ZNF423: variants seen among roughly 807,000 people sequenced by gnomAD.
The protein encoded by ZNF423 is zinc finger protein 423.
ZNF423 carries 12 observed loss-of-function variants against 95.8 expected under a neutral mutation model. That is an observed-to-expected ratio of 0.13 (90% CI 0.08 to 0.20). The LOEUF is 0.20. Among genes scored for constraint, ZNF423 ranks in the 10% least tolerant of loss-of-function variants. The pLI, the probability that ZNF423 is intolerant of heterozygous loss-of-function variation, is 1.00. For missense variants in ZNF423, 1,316 were observed against 1,737.1 expected, an observed-to-expected ratio of 0.76 and a Z score of 4.31; for synonymous variants, 749 against 711.9, an observed-to-expected ratio of 1.05 and a Z score of -0.83.
intron 5 of ZNF423, among the ~76,000 whole-genome samples, chr16:49,583,857 C>T (rs565031353): frequency 6.6e-6 from 1 of 152,322 alleles, no homozygotes; most frequent in African/African-American, 2.4e-5. Context: ...ATGTTTTCTG[C>T]TACTTTGCTA....
chr16:49,698,469 C>T (rs2032056279), intron 3 of ZNF423, among the ~76,000 whole-genome samples: 2 of 152,218 alleles, frequency 1.3e-5, no homozygotes, highest in Admixed American at 6.5e-5. Context: ...CCGATCCGGC[C>T]GTGTTTAACT....
intron 7 of ZNF423, among the ~76,000 whole-genome samples, chr16:49,512,552 C>A (rs527556814): frequency 6.6e-6 from 1 of 152,348 alleles, no homozygotes; most frequent in African/African-American, 2.4e-5. Flanking sequence ...ATCGCCACAA[C>A]ATGTGGTCAC....
Position 49,636,626 on chromosome 16 carries a change from G to A in ZNF423, c.2550C>T (p.Ala850=). Residue 850 remains alanine, a synonymous_variant, in exon 4 of 8, where the codon GCC becomes GCT. Transcript: ENST00000563137. This position sits in a 1 kb window ranked among gnomAD's most constrained non-coding sequence, Gnocchi z 8.6. ...TGGTGGCCATTGGGGGTACCCCATTGGCCGTGCCGTTCTCGGTCGCAGCAT... is the reference window on the plus strand; with the variant it reads ...TGGTGGCCATTGGGGGTACCCCATTAGCCGTGCCGTTCTCGGTCGCAGCAT... The part of the protein sequence containing the change: ...VFDAATENGT[A]NGVPPMATKK... 2 of 1,613,960 alleles carry A rather than the reference G, an allele frequency of 1.2e-6. No individual in the cohort carries two copies. The highest frequency in any genetic ancestry group is 1.7e-6 in the Non-Finnish European group (2 of 1,179,964).
intron 5 of ZNF423, among the ~76,000 whole-genome samples, chr16:49,576,247 C>G (rs1404030849): frequency 6.6e-6 from 1 of 152,216 alleles, no homozygotes; most frequent in Non-Finnish European, 1.5e-5. Flanking sequence ...ACACTGGGAA[C>G]AGCAACCGTG....
chr16:49,573,006 C>G (rs1597120971), intron 5 of ZNF423, among the ~76,000 whole-genome samples: 1 of 152,140 alleles, frequency 6.6e-6, no homozygotes, highest in East Asian at 1.9e-4. Context: ...GAAGGTTTGG[C>G]TAACTAGTGG....
In ZNF423 at chr16:49,690,855, G is replaced by A. The variant is rs184550082; in HGVS notation, c.301+39916C>T. The stretch of plus-strand genomic sequence containing the variant: ...CTGGAAACAAGGAGATGGCAGGCCC[G>A]GGTGGAGTGTGGCAGGTAGAAAGAG... On this transcript the variant is annotated intron_variant, in intron 3 of 7. Transcript: ENST00000563137. Among the ~76,000 whole-genome samples the A allele has an allele frequency of 7.2e-4, 109 of 152,314 alleles. 1 individual carries two copies. The Middle Eastern group carries it at 0.01, about 14-fold the overall frequency.
intron 1 of ZNF423, among the ~76,000 whole-genome samples, chr16:49,825,324 C>A (rs1328780516): frequency 6.6e-6 from 1 of 152,110 alleles, no homozygotes; most frequent in Non-Finnish European, 1.5e-5. Flanking sequence ...GTGTCCAGTT[C>A]TTTCACTGAA....
At chr16:49,632,660 C>T (rs1054356224) in intron 4 of ZNF423, among the ~76,000 whole-genome samples, 2 of 152,154 alleles carry the variant, frequency 1.3e-5, no homozygotes, top group Non-Finnish European at 2.9e-5. Flanking sequence ...TATGGCATCA[C>T]CTTTCTGAGC....
chr16:49,749,068 G>A (rs2143553947), intron 2 of ZNF423, among the ~76,000 whole-genome samples: 1 of 152,302 alleles, frequency 6.6e-6, no homozygotes, highest in East Asian at 1.9e-4. Context: ...AAGAGACGAG[G>A]AAGGTGGCGA....
intron 5 of ZNF423, among the ~76,000 whole-genome samples, chr16:49,560,727 C>T (rs1477112247): frequency 2.0e-5 from 3 of 152,172 alleles, no homozygotes; most frequent in African/African-American, 7.2e-5. Context: ...AGACACGCCA[C>T]AGTGTGCAAA....
chr16:49,615,587 G>A (rs1218600375), intron 5 of ZNF423, among the ~76,000 whole-genome samples: 1 of 152,168 alleles, frequency 6.6e-6, no homozygotes, highest in East Asian at 1.9e-4. Context: ...TCACAAGCTG[G>A]GAGGCCTGAA....
chr16:49,819,446 C>A (rs1017270819), intron 1 of ZNF423, among the ~76,000 whole-genome samples: 4 of 151,796 alleles, frequency 2.6e-5, no homozygotes, highest in African/African-American at 9.7e-5. Flanking sequence ...ATAGGCTCAT[C>A]CACGAGTATC....
chr16:49,673,477 T>C (rs1355779350), intron 3 of ZNF423, among the ~76,000 whole-genome samples: 3 of 152,234 alleles, frequency 2.0e-5, no homozygotes, highest in African/African-American at 7.2e-5. Context: ...CGGGTGCTTG[T>C]TAAGGAGAAC....
At chr16:49,628,106 C>G (rs933397751) in intron 4 of ZNF423, among the ~76,000 whole-genome samples, 2 of 150,558 alleles carry the variant, frequency 1.3e-5, no homozygotes, top group Non-Finnish European at 3.0e-5. Flanking sequence ...CTCCATCTAC[C>G]CATCCATCCA....
chr16:49,638,751 G>A lies in ZNF423; in HGVS notation c.425C>T (p.Thr142Met), dbSNP rs777988344. Reference sequence around the variant, plus strand: ...GAACTGGCAAGGGTATGGCAGGCCCGTGCCCCCTTCCTCCTCGCCGAGGCC... The same window carrying A: ...GAACTGGCAAGGGTATGGCAGGCCCATGCCCCCTTCCTCCTCGCCGAGGCC... ...DLGLGEEEGG[T>M]GLPYPCQFCD... The change falls in exon 4 of 8, where the codon ACG becomes ATG. Residue 142 changes from threonine (T) to methionine (M), a missense_variant. Physicochemically the swap from Thr to Met is moderately conservative, Grantham distance 81. Coordinates refer to ENST00000563137, the MANE Select transcript of ZNF423 (RefSeq NM_001379286.1). The surrounding 1 kb of genome is among the most constrained non-coding windows in gnomAD (Gnocchi z 5.6). The A allele has an allele frequency of 1.3e-4, 203 of 1,613,954 alleles. No homozygotes were observed. Among genetic ancestry groups the A allele is most frequent in the Non-Finnish European group, 1.2e-4 (146 of 1,180,034 alleles).
At chr16:49,553,207 G>T (rs1179402799) in intron 5 of ZNF423, among the ~76,000 whole-genome samples, 1 of 152,174 alleles carries the variant, frequency 6.6e-6, no homozygotes, top group Non-Finnish European at 1.5e-5. Context: ...CCTACACAGG[G>T]ATGTTAGAAG....
chr16:49,723,678 T>C (rs2032929602), intron 3 of ZNF423, among the ~76,000 whole-genome samples: 1 of 152,226 alleles, frequency 6.6e-6, no homozygotes, highest in Non-Finnish European at 1.5e-5. Context: ...CTGTTTTCTT[T>C]TAGTATTTTA....
chr16:49,663,831 G>A (rs1008649704), intron 3 of ZNF423, among the ~76,000 whole-genome samples: 13 of 152,102 alleles, frequency 8.5e-5, no homozygotes, highest in African/African-American at 3.1e-4. Context: ...TCCCCATGCC[G>A]CAGGGCCCCA....
At chr16:49,788,831 G>A (rs945231968) in intron 2 of ZNF423, among the ~76,000 whole-genome samples, 1 of 152,216 alleles carries the variant, frequency 6.6e-6, no homozygotes, top group African/African-American at 2.4e-5. Flanking sequence ...CCTCATTCAG[G>A]AGCTCCCAAA....
Sources: allele counts gnomAD v4.1 joint callset (sites outside exome capture counted in the v4.1 genomes callset), GRCh38; gene constraint gnomAD v4.1.1; non-coding constraint Gnocchi (gnomAD v3.1); transcripts MANE v1.5; gene names NCBI Gene and HGNC (gene_info 2026-07-23, HGNC 2026-07-21).